The following AMN1 variants were observed in gnomAD, a reference collection of about 807,000 sequenced individuals.
The protein encoded by AMN1 is protein AMN1 homolog.
A neutral mutation model predicts 33.0 loss-of-function variants in AMN1; 20 were observed. That is an observed-to-expected ratio of 0.61 (90% CI 0.43 to 0.88). The LOEUF is 0.88. Ranked by LOEUF, AMN1 falls within the 40% of genes least tolerant of loss-of-function variation. The pLI is 0.00. For synonymous variants in AMN1, 114 were observed against 111.9 expected (o/e 1.02, Z -0.12); for missense variants, 246 against 307.4 (o/e 0.80, Z 1.49).
At chr12:31,711,160 C>A (rs895089838) in intron 1 of AMN1, among the ~76,000 whole-genome samples, 1 of 152,074 alleles carries the variant, frequency 6.6e-6, no homozygotes, top group African/African-American at 2.4e-5. Flanking sequence ...AGGCATGAGC[C>A]ACCGCACCCA....
At chr12:31,696,950 C>T (rs1027835753) in intron 5 of AMN1, among the ~76,000 whole-genome samples, 6 of 151,336 alleles carry the variant, frequency 4.0e-5, no homozygotes, top group South Asian at 2.1e-4. Context: ...TTTAAATGAT[C>T]GTACAATGTG....
intron 6 of AMN1, among the ~76,000 whole-genome samples, chr12:31,677,611 A>G (rs1442554040): frequency 1.3e-5 from 2 of 152,162 alleles, no homozygotes; most frequent in Non-Finnish European, 2.9e-5. Flanking sequence ...GGGGCTCAGA[A>G]AAGGATTCCC....
rs750641632 is a variant in AMN1, at chr12:31,697,760, C to A, written c.514G>T (p.Val172Phe). The change falls in exon 4 of 7, where the codon GTC becomes TTC. Residue 172 changes from valine to phenylalanine, a missense_variant. By Grantham distance (50) the Val-to-Phe change is conservative (BLOSUM62 -1). Coordinates refer to ENST00000281471, the MANE Select transcript of AMN1 (RefSeq NM_001113402.2). ...TTTACCTGAGTAGCTGAAAAGTCGA[C>A]ACACTGCAAAAATGGGCAGTTTTTT... is the stretch of plus-strand genomic sequence containing the variant. ...LGKNCPFLQC[V>F]DFSATQVSDS... The A allele has an allele frequency of 4.3e-6, 7 of 1,613,968 alleles. No individual in the cohort carries two copies. The highest frequency in any genetic ancestry group is 5.1e-6 in the Non-Finnish European group (6 of 1,179,876).
chr12:31,714,099 T>A (rs1211297880), intron 1 of AMN1, among the ~76,000 whole-genome samples: 1 of 152,186 alleles, frequency 6.6e-6, no homozygotes, highest in Non-Finnish European at 1.5e-5. Context: ...AAAGCTTTTT[T>A]AATATTATTA....
chr12:31,695,515 G>A (rs146109009), intron 5 of AMN1, among the ~76,000 whole-genome samples: 2,930 of 130,564 alleles, frequency 0.022, 45 homozygotes, highest in Middle Eastern at 0.073. Flanking sequence ...ATGGAGTTTC[G>A]CTCTTGTTGC....
At position 31,697,662 on chromosome 12, in the gene AMN1, A is replaced by G. The variant is rs1938789985; in HGVS notation, c.534+78T>C. On this transcript the variant is annotated intron_variant, in intron 4 of 6. Transcript: ENST00000281471. ...TCAACAAAAACAAAATGAACTCCTT[A>G]TGATATGTTCTCATTAGTCATGAAA... 27 of 1,453,340 alleles carry G rather than the reference A, an allele frequency of 1.9e-5. No individual in the cohort carries two copies. The South Asian group carries it at 3.0e-4, about 16-fold the overall frequency. 90.0% of individuals were successfully genotyped at this position (1,453,340 alleles called of 1,614,324 possible).
intron 1 of AMN1, among the ~76,000 whole-genome samples, chr12:31,711,621 A>C (rs1430907190): frequency 6.6e-6 from 1 of 152,116 alleles, no homozygotes; most frequent in Non-Finnish European, 1.5e-5. Context: ...TTTTCAGGGT[A>C]CATGTGATAA....
intron 3 of AMN1, among the ~76,000 whole-genome samples, chr12:31,698,915 T>G (rs1938856219): frequency 6.6e-6 from 1 of 152,080 alleles, no homozygotes; most frequent in African/African-American, 2.4e-5. Flanking sequence ...AAGCCCCTTT[T>G]GATCATACCT....
At chr12:31,715,841 ACT>A (rs1416155027) in intron 1 of AMN1, 5 of 152,848 alleles carry the variant, frequency 3.3e-5, no homozygotes, top group African/African-American at 7.2e-5. Context: ...GATAAGGAAA[ACT>A]CTGCTAGATC....
At chr12:31,707,388 C>T (rs899520346) in intron 2 of AMN1, among the ~76,000 whole-genome samples, 1 of 152,156 alleles carries the variant, frequency 6.6e-6, no homozygotes, top group African/African-American at 2.4e-5. Context: ...CTAATGGGAG[C>T]TGACCAGAAC....
intron 3 of AMN1, among the ~76,000 whole-genome samples, chr12:31,698,731 TAAGA>T (rs908531972): frequency 2.6e-5 from 4 of 151,420 alleles, no homozygotes; most frequent in African/African-American, 9.8e-5. Flanking sequence ...TTCCATATCT[TAAGA>T]AAGAACTTTT....
Position 31,697,864 on chromosome 12 carries a change from G to C in AMN1, c.410C>G (p.Ala137Gly). Residue 137 changes from alanine to glycine, a missense_variant, in exon 4 of 7, where the codon GCA (alanine) becomes GGA (glycine). By Grantham distance (60) the Ala-to-Gly change is moderately conservative. Transcript: ENST00000281471. Reference protein sequence around the residue: ...NLTDEGVVALALNCQLLKIID... With the variant: ...NLTDEGVVALGLNCQLLKIID... ...GATCTTTAGCAGCTGGCAATTGAGT[G>C]CAAGAGCAACGACTCCTTCGTCAGT... 1 of 1,614,020 alleles carries C rather than the reference G, an allele frequency of 6.2e-7. No individual in the cohort carries two copies. Among genetic ancestry groups the C allele is most frequent in the East Asian group, 2.2e-5 (1 of 44,878 alleles).
chr12:31,679,363 C>T (rs1467025174), intron 6 of AMN1, among the ~76,000 whole-genome samples: 2 of 151,896 alleles, frequency 1.3e-5, no homozygotes, highest in Non-Finnish European at 2.9e-5. Context: ...CCTATCTCTA[C>T]TAAAAAAATA....
intron 6 of AMN1, among the ~76,000 whole-genome samples, chr12:31,676,807 T>A (rs1392998745): frequency 6.6e-6 from 1 of 151,828 alleles, no homozygotes; most frequent in Non-Finnish European, 1.5e-5. Flanking sequence ...CATGTAACAT[T>A]TTTATGTAAT....
Position 31,697,866 on chromosome 12 carries a change from A to G in AMN1, c.408T>C (p.Leu136=). 1.9e-6 allele frequency: 3 copies of G among 1,614,026 alleles called. No individual in the cohort carries two copies. Among genetic ancestry groups the G allele is most frequent in the East Asian group, 4.5e-5 (2 of 44,884 alleles). ...CNLTDEGVVA[L]ALNCQLLKII... Reference sequence around the variant, plus strand: ...TCTTTAGCAGCTGGCAATTGAGTGCAAGAGCAACGACTCCTTCGTCAGTGA... The same window carrying G: ...TCTTTAGCAGCTGGCAATTGAGTGCGAGAGCAACGACTCCTTCGTCAGTGA... Residue 136 remains leucine (L), a synonymous_variant, in exon 4 of 7, where the codon CTT becomes CTC. Transcript: ENST00000281471.
intron 5 of AMN1, 42 bp downstream of exon 5, chr12:31,697,319 A>C (rs751774634): frequency 6.5e-6 from 10 of 1,545,470 alleles, no homozygotes; most frequent in Non-Finnish European, 8.9e-6. Flanking sequence ...TAAGAATATA[A>C]AAATTTAATC....
At chr12:31,706,230 T>TGA (rs985831669) in intron 2 of AMN1, among the ~76,000 whole-genome samples, 2 of 141,888 alleles carry the variant, frequency 1.4e-5, no homozygotes, top group African/African-American at 5.3e-5. Context: ...GAGAATGGCG[T>TGA]GAACCTGGGA....
At chr12:31,700,033 C>T (rs775288686) in intron 3 of AMN1, among the ~76,000 whole-genome samples, 6 of 151,876 alleles carry the variant, frequency 4.0e-5, no homozygotes, top group Non-Finnish European at 7.4e-5. Context: ...AAAACTTATG[C>T]GTGTTTGCAA....
At chr12:31,672,447 T>C (rs1467461344) in intron 6 of AMN1, 70 bp from the exon 7 acceptor site, 20 of 1,052,906 alleles carry the variant, frequency 1.9e-5, no homozygotes, top group East Asian at 5.2e-5. Context: ...CATGTCTAAC[T>C]GGAGGTGATG....
Sources: gnomAD v4.1 joint callset for allele counts (sites outside exome capture counted in the v4.1 genomes callset) on GRCh38, gnomAD v4.1.1 for gene constraint, MANE v1.5 for transcripts, NCBI Gene and HGNC (gene_info 2026-07-23, HGNC 2026-07-21) for gene names.